Variants in ATR observed in about 807,000 individuals in gnomAD.
The protein encoded by ATR is serine/threonine-protein kinase ATR.
Under a neutral mutation model 305.3 loss-of-function variants are expected in ATR, and 142 were observed. That is an observed-to-expected ratio of 0.47 (90% CI 0.41 to 0.53). ATR has a LOEUF of 0.53. Ranked by LOEUF, ATR falls within the 20% of genes least tolerant of loss-of-function variation. ATR has a pLI of 0.00. For missense variants in ATR, 2,135 were observed against 3,133.1 expected (o/e 0.68, Z 7.60); for synonymous variants, 1,050 against 1,068.1 (o/e 0.98, Z 0.33).
At chr3:142,508,219 T>C in intron 27 of ATR, 110 bp from the exon 28 acceptor site, 1 of 872,346 alleles carries the variant, frequency 1.1e-6, no homozygotes, top group East Asian at 2.7e-5. Context: ...AATCTGAATA[T>C]ATTAGGATAT....
At chr3:142,498,458 G>T in intron 32 of ATR, 139 bp downstream of exon 32, 2 of 761,186 alleles carry the variant, frequency 2.6e-6, no homozygotes, top group Non-Finnish European at 2.2e-6. Flanking sequence ...TGATTGTGAG[G>T]TAAAAAGAAT....
intron 15 of ATR, 87 bp downstream of exon 15, chr3:142,549,392 C>T: frequency 4.4e-6 from 4 of 914,132 alleles, no homozygotes; most frequent in Non-Finnish European, 6.4e-6. Flanking sequence ...CTATAATTTA[C>T]TCACCCTCTT....
intron 21 of ATR, among the ~76,000 whole-genome samples, chr3:142,533,423 T>TA (rs1370332370): frequency 6.6e-6 from 1 of 152,238 alleles, no homozygotes; most frequent in Non-Finnish European, 1.5e-5. Context: ...AGAGTATAGA[T>TA]ATAGAATATT....
rs775399675 is a variant in ATR at position 142,558,780 on chromosome 3, C to T, written c.1733-4G>A. 3.1e-6 allele frequency: 5 copies of T among 1,603,566 alleles called. No homozygotes were observed. The highest frequency in any genetic ancestry group is 2.2e-5 in the South Asian group (2 of 90,402). On this transcript the variant is annotated splice_polypyrimidine_tract_variant and splice_region_variant and intron_variant, in intron 7 of 46. Transcript: ENST00000350721. ...TGATCTTCAAATGAACTGTTTACTACAGAAGCACAAAATAAGTCATTAATT... is the reference window on the plus strand; with the variant it reads ...TGATCTTCAAATGAACTGTTTACTATAGAAGCACAAAATAAGTCATTAATT...
rs1233391162 is a variant in ATR at position 142,547,915 on chromosome 3, C to T, written c.3172-5G>A. ...CAGTTCAATTTCTGTTTCATTCTAA[C>T]CCAAAGACATGTTAAAAAAAATTTT... On this transcript the variant is annotated splice_polypyrimidine_tract_variant and splice_region_variant and intron_variant, in intron 15 of 46. Transcript: ENST00000350721. 2 of 1,613,622 alleles carry T rather than the reference C, an allele frequency of 1.2e-6. No homozygotes were observed. The highest frequency in any genetic ancestry group is 1.3e-5 in the African/African-American group (1 of 74,962).
chr3:142,555,934 C>T lies in ATR; in HGVS notation c.2284G>A (p.Val762Ile), dbSNP rs1036040776. The T allele has an allele frequency of 6.2e-6, 10 of 1,612,474 alleles. No individual in the cohort carries two copies. The Admixed American group carries it at 1.0e-4, about 16-fold the overall frequency. The part of the protein sequence containing the change: ...ECSSSQLKAS[V>I]CKPFLFLLKK... ...AGTAGGAAAAGGAATGGCTTGCAGA[C>T]AGAAGCTTTTAGTTGAGAAGATGAA... The change falls in exon 10 of 47, where the codon GTC becomes ATC. Residue 762 changes from valine to isoleucine, a missense_variant. Val to Ile is a conservative substitution (Grantham distance 29, BLOSUM62 3). This residue lies in a region of ATR where 530 missense variants were observed against 766.8 expected (regional missense o/e 0.69). Transcript: ENST00000350721.
chr3:142,487,380 G>A (rs1408130294), intron 35 of ATR, among the ~76,000 whole-genome samples: 1 of 152,098 alleles, frequency 6.6e-6, no homozygotes, highest in Non-Finnish European at 1.5e-5. Flanking sequence ...CAAGCAATCC[G>A]CCTGCCTCAG....
At chr3:142,491,813 T>C (rs557092341) in intron 35 of ATR, among the ~76,000 whole-genome samples, 1 of 152,340 alleles carries the variant, frequency 6.6e-6, no homozygotes, top group East Asian at 1.9e-4. Flanking sequence ...CATTTAGGTC[T>C]TTCTTGTATC....
chr3:142,573,172 G>C (rs899244288), intron 1 of ATR, among the ~76,000 whole-genome samples: 2 of 152,126 alleles, frequency 1.3e-5, no homozygotes, highest in African/African-American at 4.8e-5. Context: ...AGGGCCAGGC[G>C]TGGTGGCTCA....
At position 142,476,525 on chromosome 3, in the gene ATR, C is replaced by T. The variant is rs537693960; in HGVS notation, c.6222-6342G>A. Among the ~76,000 whole-genome samples, 245 of 152,144 alleles carry T rather than the reference C, an allele frequency of 1.6e-3. 1 individual carries two copies. Among genetic ancestry groups the T allele is most frequent in the African/African-American group, 5.4e-3 (225 of 41,522 alleles). On this transcript the variant is annotated intron_variant, in intron 36 of 46. Coordinates refer to ENST00000350721, the MANE Select transcript of ATR (RefSeq NM_001184.4). The stretch of plus-strand genomic sequence containing the variant: ...TGTAGTATAGCTTGAAGTCAGGTAG[C>T]GTGATGCCTCCAGCTTTGTTCTTTT...
At chr3:142,457,269 AT>A (rs1373078852) in intron 45 of ATR, among the ~76,000 whole-genome samples, 1 of 152,008 alleles carries the variant, frequency 6.6e-6, no homozygotes, top group Non-Finnish European at 1.5e-5. Context: ...AATATTATAA[AT>A]GAGTGGTTAC....
chr3:142,462,080 T>C lies in ATR; in HGVS notation c.7052A>G (p.Lys2351Arg). The change falls in exon 42 of 47, where the codon AAA (lysine) becomes AGA (arginine). Residue 2351 changes from lysine to arginine, a missense_variant. Physicochemically the swap from Lys to Arg is conservative, Grantham distance 26 (BLOSUM62 2). Transcript: ENST00000350721. ...FNSLINKCLR[K>R]DAESRRRELH... Reference sequence around the variant, plus strand: ...TTCTCTTCTACGAGACTCTGCATCTTTTCTTAAGCACTGTTAAAAAATACA... The same window carrying C: ...TTCTCTTCTACGAGACTCTGCATCTCTTCTTAAGCACTGTTAAAAAATACA... 1 of 1,612,236 alleles carries C rather than the reference T, an allele frequency of 6.2e-7. No individual in the cohort carries two copies.
chr3:142,563,774 G>A (rs927274890), intron 3 of ATR, among the ~76,000 whole-genome samples: 1 of 152,182 alleles, frequency 6.6e-6, no homozygotes, highest in African/African-American at 2.4e-5. Flanking sequence ...AAGACAAGTT[G>A]AAAGCTAGGC....
chr3:142,486,432 C>G (rs2030928363), intron 35 of ATR, among the ~76,000 whole-genome samples: 1 of 152,108 alleles, frequency 6.6e-6, no homozygotes, highest in African/African-American at 2.4e-5. Context: ...TTTCTTCTTT[C>G]CTGCCTGTCT....
chr3:142,570,872 T>C (rs1406291838), intron 1 of ATR, among the ~76,000 whole-genome samples: 1 of 152,152 alleles, frequency 6.6e-6, no homozygotes, highest in African/African-American at 2.4e-5. Context: ...GATCATGAAA[T>C]GAAGAGAAGT....
chr3:142,475,945 G>T (rs1363045141), intron 36 of ATR, among the ~76,000 whole-genome samples: 4 of 149,432 alleles, frequency 2.7e-5, no homozygotes, highest in Non-Finnish European at 4.4e-5. Context: ...TGATGGGGTT[G>T]TTTTTTTCTT....
At chr3:142,533,219 C>T (rs2033729513) in intron 21 of ATR, among the ~76,000 whole-genome samples, 1 of 152,068 alleles carries the variant, frequency 6.6e-6, no homozygotes, top group South Asian at 2.1e-4. Context: ...TGCTTGAGCC[C>T]AGGAGTTTCA....
At chr3:142,551,688 G>T (rs934090552) in intron 13 of ATR, among the ~76,000 whole-genome samples, 1 of 152,110 alleles carries the variant, frequency 6.6e-6, no homozygotes, top group African/African-American at 2.4e-5. Flanking sequence ...ATGGATTAAA[G>T]ACTTAAATGT....
intron 16 of ATR, among the ~76,000 whole-genome samples, chr3:142,544,660 G>C (rs2034201563): frequency 6.8e-6 from 1 of 147,418 alleles, no homozygotes; most frequent in South Asian, 2.2e-4. Context: ...GGAATGAGTA[G>C]CAACTAAAGC....
Sources: allele counts gnomAD v4.1 joint callset (sites outside exome capture counted in the v4.1 genomes callset), GRCh38; gene constraint gnomAD v4.1.1; regional missense constraint gnomAD v4.1.1; transcripts MANE v1.5; gene names NCBI Gene and HGNC (gene_info 2026-07-23, HGNC 2026-07-21).